Variants in RNF130 observed in about 807,000 individuals in gnomAD.
RNF130 encodes the protein E3 ubiquitin-protein ligase RNF130.
Under a neutral mutation model 44.6 loss-of-function variants are expected in RNF130, and 21 were observed. The ratio of observed to expected loss-of-function variants is 0.47; its 90% CI spans 0.33 to 0.68. The LOEUF (loss-of-function observed/expected upper bound fraction) is 0.68. RNF130 is among the 30% of genes least tolerant of loss of function. The pLI is 0.02. For synonymous variants in RNF130, 214 were observed against 210.4 expected (o/e 1.02, Z -0.15); for missense variants, 479 against 560.6 (o/e 0.85, Z 1.47).
intron 2 of RNF130, among the ~76,000 whole-genome samples, chr5:180,018,836 T>G (rs992193914): frequency 3.9e-5 from 6 of 152,114 alleles, no homozygotes; most frequent in African/African-American, 1.4e-4. Flanking sequence ...GTCTGATCTA[T>G]GCCCTCACCC....
Position 180,071,619 on chromosome 5 carries a change from G to T in RNF130, c.84C>A (p.Asp28Glu), listed in dbSNP as rs1373347902. ...LTCSLWPARA[D>E]NASQEYYTAL... ...CCGTGTAGTACTCCTGGCTCGCGTT[G>T]TCTGCCCGTGCCGGCCACAGGCTGC... Residue 28 changes from aspartate to glutamate, a missense_variant, in exon 1 of 9, where the codon GAC (aspartate) becomes GAA (glutamate). Transcript: ENST00000521389. The T allele has an allele frequency of 6.6e-7, 1 of 1,504,298 alleles. No homozygotes were observed. The allele number at this position is 1,504,298 out of a possible 1,614,324, so 93.2% of individuals were successfully genotyped here.
At chr5:180,015,087 T>C (rs1198683633) in intron 2 of RNF130, among the ~76,000 whole-genome samples, 1 of 152,246 alleles carries the variant, frequency 6.6e-6, no homozygotes. Context: ...ACAGCCACTT[T>C]ATTAGAACAG....
intron 8 of RNF130, among the ~76,000 whole-genome samples, chr5:179,962,879 C>T (rs74762373): frequency 6.6e-6 from 1 of 152,182 alleles, no homozygotes; most frequent in African/African-American, 2.4e-5. Flanking sequence ...CTTTTACCGA[C>T]GTGAAGCCTG....
chr5:179,917,667 T>C (rs779577927), exon 8 of RNF130: 2 of 152,032 alleles, frequency 1.3e-5, no homozygotes, highest in Non-Finnish European at 2.9e-5. Flanking sequence ...TCCCCCAGCA[T>C]AGCAGCTAGT....
At chr5:179,950,736 A>G (rs951167239), downstream of RNF130, among the ~76,000 whole-genome samples, 1 of 152,214 alleles carries the variant, frequency 6.6e-6, no homozygotes, top group Non-Finnish European at 1.5e-5. Context: ...TCTTAATACT[A>G]TGACTTGAAA....
At chr5:180,059,833 C>T (rs979856938) in intron 1 of RNF130, among the ~76,000 whole-genome samples, 1 of 152,132 alleles carries the variant, frequency 6.6e-6, no homozygotes, top group Admixed American at 6.5e-5. Context: ...AGAGGCAGAA[C>T]GACGGCTCCC....
Position 179,966,912 on chromosome 5 carries a change from G to A in RNF130, c.1044C>T (p.Gly348=), listed in dbSNP as rs758030020. 4.0e-5 allele frequency: 65 copies of A among 1,614,114 alleles called. No homozygotes were observed. In the Admixed American group the frequency reaches 4.2e-4, roughly 10 times the overall value. The stretch of plus-strand genomic sequence containing the variant: ...GTGGCTCAAGGCCAAGGGAGTTGTC[G>A]CCGGCGAGGTCGCCGAGGGCTGATC... ...NRRSALGDLA[G]DNSLGLEPLR... The change falls in exon 7 of 9, where the codon GGC becomes GGT. Residue 348 remains glycine, a synonymous_variant. Transcript: ENST00000521389.
chr5:179,992,769 C>T (rs958397347), intron 3 of RNF130, among the ~76,000 whole-genome samples: 8 of 152,212 alleles, frequency 5.3e-5, no homozygotes, highest in East Asian at 1.9e-4. Flanking sequence ...TACATGTGCA[C>T]AACGTGCAGG....
At chr5:180,041,089 C>T (rs890039446) in intron 1 of RNF130, among the ~76,000 whole-genome samples, 2 of 152,142 alleles carry the variant, frequency 1.3e-5, no homozygotes, top group East Asian at 1.9e-4. Context: ...AAACAGGAGC[C>T]TGGACTGGGG....
intron 3 of RNF130, among the ~76,000 whole-genome samples, chr5:179,989,719 G>A (rs1355048175): frequency 6.6e-6 from 1 of 152,070 alleles, no homozygotes; most frequent in Non-Finnish European, 1.5e-5. Flanking sequence ...GATCCATTTA[G>A]GTTCAAGGTT....
intron 7 of RNF130, among the ~76,000 whole-genome samples, chr5:179,928,633 T>G (rs80121882): frequency 8.8e-5 from 3 of 34,180 alleles, no homozygotes; most frequent in Non-Finnish European, 8.1e-5. Flanking sequence ...TTGTTGTTGT[T>G]TTTTTTTTTT....
chr5:180,024,797 C>T (rs1167248293), intron 2 of RNF130, among the ~76,000 whole-genome samples: 1 of 152,172 alleles, frequency 6.6e-6, no homozygotes, highest in Non-Finnish European at 1.5e-5. Flanking sequence ...TTGCCATTCC[C>T]ACTCCCTTCA....
intron 7 of RNF130, among the ~76,000 whole-genome samples, chr5:179,922,206 T>C (rs1221581208): frequency 6.6e-6 from 1 of 152,072 alleles, no homozygotes; most frequent in Non-Finnish European, 1.5e-5. Context: ...ACTAGTGACG[T>C]TGAGCATCTT....
At chr5:179,931,494 C>T (rs1421044004) in intron 7 of RNF130, among the ~76,000 whole-genome samples, 8 of 151,864 alleles carry the variant, frequency 5.3e-5, no homozygotes, top group East Asian at 1.9e-4. Context: ...ACAGGCCAGG[C>T]GCAGTGGCTC....
chr5:179,970,854 T>C (rs533380765), intron 5 of RNF130, among the ~76,000 whole-genome samples: 2 of 152,276 alleles, frequency 1.3e-5, no homozygotes, highest in East Asian at 1.9e-4. Context: ...ATAGCTAACA[T>C]AGAAAAATGG....
In RNF130 at chr5:179,955,590, T is replaced by C; in HGVS notation, c.*64A>G. The C allele has an allele frequency of 2.1e-6, 3 of 1,406,926 alleles. No homozygotes were observed. The highest frequency in any genetic ancestry group is 2.9e-6 in the Non-Finnish European group (3 of 1,023,024). 87.2% of individuals were successfully genotyped at this position (1,406,926 alleles called of 1,614,324 possible). ...CTTGTGTGGCATGATTGGTAAATGA[T>C]GCACAAAAATAGGTTCTTTTTTCCT... On this transcript the variant is annotated 3_prime_UTR_variant, in exon 9 of 9. Coordinates refer to ENST00000521389, the MANE Select transcript of RNF130 (RefSeq NM_018434.6).
At chr5:180,010,608 C>T (rs1275012157) in intron 3 of RNF130, among the ~76,000 whole-genome samples, 1 of 152,162 alleles carries the variant, frequency 6.6e-6, no homozygotes, top group Non-Finnish European at 1.5e-5. Flanking sequence ...GATCCACCTG[C>T]CTTGGCTTCC....
At chr5:179,946,899 T>C (rs1762050945) in intron 7 of RNF130, among the ~76,000 whole-genome samples, 1 of 152,174 alleles carries the variant, frequency 6.6e-6, no homozygotes, top group South Asian at 2.1e-4. Context: ...TATCTTTCTT[T>C]AGCCTCGGGC....
At chr5:179,952,857 CTA>C (rs1297478002), downstream of RNF130, among the ~76,000 whole-genome samples, 3 of 152,114 alleles carry the variant, frequency 2.0e-5, no homozygotes, top group African/African-American at 7.2e-5. Context: ...ATAAAGGTAT[CTA>C]GTCTATAGTC....
Sources: gnomAD v4.1 joint callset for allele counts (sites outside exome capture counted in the v4.1 genomes callset) on GRCh38, gnomAD v4.1.1 for gene constraint, MANE v1.5 for transcripts, NCBI Gene and HGNC (gene_info 2026-07-23, HGNC 2026-07-21) for gene names.